Variants in ZNG1C observed in about 807,000 individuals in gnomAD.
ZNG1C encodes the protein Zn regulated GTPase metalloprotein activator 1C.
At chr9:68,247,476 G>A in the ZNG1C span, 20 of 1,575,138 alleles carry the variant, frequency 1.3e-5, no homozygotes, top group Non-Finnish European at 1.0e-5. Flanking sequence ...TATCAAGGCT[G>A]CATGAATAAA....
At chr9:68,287,603 A>C in the ZNG1C span, among the ~76,000 whole-genome samples, 1 of 152,306 alleles carries the variant, frequency 6.6e-6, no homozygotes, top group Non-Finnish European at 1.5e-5. Context: ...AGAGTAGAAT[A>C]GTATAATGAG....
At chr9:68,256,085 C>T in the ZNG1C span, among the ~76,000 whole-genome samples, 1 of 152,284 alleles carries the variant, frequency 6.6e-6, no homozygotes, top group African/African-American at 2.4e-5. Context: ...CAGAGTGATG[C>T]TTGGGGGACC....
chr9:68,297,277 G>A, the ZNG1C span, among the ~76,000 whole-genome samples: 2 of 146,126 alleles, frequency 1.4e-5, no homozygotes, highest in African/African-American at 5.0e-5. Context: ...TTATTCCTGA[G>A]AATCCACGAA....
the ZNG1C span, among the ~76,000 whole-genome samples, chr9:68,256,045 A>G: frequency 6.6e-6 from 1 of 152,256 alleles, no homozygotes; most frequent in Non-Finnish European, 1.5e-5. Context: ...TAATCACTGT[A>G]AACAGCTGAC....
chr9:68,248,807 G>A, the ZNG1C span: 1 of 428,260 alleles, frequency 2.3e-6, no homozygotes, highest in Non-Finnish European at 4.0e-6. Context: ...ATTCTCCAGG[G>A]ACAATGGCCT....
At chr9:68,272,405 G>T in the ZNG1C span, 3 of 77,686 alleles carry the variant, frequency 3.9e-5, no homozygotes, top group Non-Finnish European at 5.7e-5. Context: ...CTCTTACTCA[G>T]TTTTAAAATG....
chr9:68,250,102 CAG>C, the ZNG1C span, among the ~76,000 whole-genome samples: 9 of 126,726 alleles, frequency 7.1e-5, 1 homozygote, highest in African/African-American at 2.8e-4. Context: ...CTAAAGATCA[CAG>C]AGAAAGCTTT....
At chr9:68,266,603 A>C in the ZNG1C span, among the ~76,000 whole-genome samples, 1 of 146,778 alleles carries the variant, frequency 6.8e-6, no homozygotes, top group Non-Finnish European at 1.5e-5. Flanking sequence ...AGTCTTCCCT[A>C]ACTTTACCCA....
At chr9:68,268,567 C>T in the ZNG1C span, among the ~76,000 whole-genome samples, 5 of 151,874 alleles carry the variant, frequency 3.3e-5, 1 homozygote, top group African/African-American at 7.3e-5. Flanking sequence ...AAGTGACCAC[C>T]GTAAAAATTT....
chr9:68,275,296 ATTTT>A, the ZNG1C span, among the ~76,000 whole-genome samples: 1 of 139,620 alleles, frequency 7.2e-6, no homozygotes, highest in Non-Finnish European at 1.6e-5. Context: ...TTATTTTTTT[ATTTT>A]TTATTTTTTC....
At chr9:68,259,661 A>G in the ZNG1C span, among the ~76,000 whole-genome samples, 2 of 151,164 alleles carry the variant, frequency 1.3e-5, no homozygotes, top group Non-Finnish European at 3.0e-5. Context: ...ACAGGTGCAC[A>G]CCACCATGCC....
chr9:68,276,689 G>T, the ZNG1C span, among the ~76,000 whole-genome samples: 3 of 60,154 alleles, frequency 5.0e-5, 1 homozygote, highest in African/African-American at 6.4e-5. Context: ...CCAGTACCAT[G>T]CTGTTTTGGT....
chr9:68,270,872 G>A, the ZNG1C span: 3 of 146,768 alleles, frequency 2.0e-5, no homozygotes, highest in East Asian at 2.0e-4. Context: ...GACAGAGCGA[G>A]ACTCTGTCTC....
the ZNG1C span, among the ~76,000 whole-genome samples, chr9:68,256,019 C>T: frequency 3.9e-5 from 6 of 152,192 alleles, no homozygotes; most frequent in Admixed American, 3.9e-4. Flanking sequence ...GTGGCCCTTG[C>T]TATATCTTGC....
the ZNG1C span, among the ~76,000 whole-genome samples, chr9:68,290,337 G>A: frequency 1.4e-5 from 1 of 69,234 alleles, no homozygotes; most frequent in East Asian, 2.4e-4. Flanking sequence ...GACAGGCCAA[G>A]GTGGGTGGAT....
At chr9:68,296,615 G>A in the ZNG1C span, among the ~76,000 whole-genome samples, 8 of 152,366 alleles carry the variant, frequency 5.3e-5, no homozygotes, top group African/African-American at 7.2e-5. Context: ...GGCCAGATAC[G>A]CAGTTCTAGG....
chr9:68,284,906 T>C, the ZNG1C span, among the ~76,000 whole-genome samples: 1 of 150,340 alleles, frequency 6.7e-6, no homozygotes, highest in Admixed American at 6.6e-5. Flanking sequence ...TTTTTTTTTT[T>C]TTTTTTTTTT....
the ZNG1C span, among the ~76,000 whole-genome samples, chr9:68,257,251 T>C: frequency 3.8e-5 from 5 of 131,248 alleles, no homozygotes; most frequent in African/African-American, 1.4e-4. Context: ...TTGGCCTGAC[T>C]GGTCTTGAAC....
At chr9:68,299,187 C>G in the ZNG1C span, 16 of 1,485,202 alleles carry the variant, frequency 1.1e-5, no homozygotes, top group Non-Finnish European at 1.4e-5. Context: ...CCATTCAGGT[C>G]CTCTTTTAAA....
Sources: gnomAD v4.1 joint callset for allele counts (sites outside exome capture counted in the v4.1 genomes callset) on GRCh38, gnomAD v4.1.1 for gene constraint, MANE v1.5 for transcripts, NCBI Gene and HGNC (gene_info 2026-07-23, HGNC 2026-07-21) for gene names.